Variants in TCEA2 observed in about 807,000 individuals in gnomAD.
TCEA2 encodes the protein transcription elongation factor A protein 2.
In TCEA2, 21 loss-of-function variants were observed where a neutral mutation model predicts 40.8. The observed-to-expected ratio is 0.51, with a 90% confidence interval of 0.36 to 0.74. The LOEUF is 0.74. Ranked by LOEUF, TCEA2 falls within the 30% of genes least tolerant of loss-of-function variation. The pLI is 0.00. For missense variants in TCEA2, 326 were observed against 426.5 expected (o/e 0.76, Z 2.08); for synonymous variants, 165 against 162.7 (o/e 1.01, Z -0.11).
At chr20:64,072,011 G>A in intron 9 of TCEA2, 70 bp downstream of exon 9, 24 of 1,606,646 alleles carry the variant, frequency 1.5e-5, no homozygotes, top group Non-Finnish European at 2.0e-5. Flanking sequence ...AGCCTCTGTG[G>A]GGTCTGTGGT....
exon 1 of TCEA2, chr20:64,057,334 G>C (rs546707790): frequency 6.6e-6 from 1 of 152,298 alleles, no homozygotes; most frequent in Admixed American, 6.5e-5. Context: ...GCCCTAACGC[G>C]GCTGAGGGAT....
intron 9 of TCEA2, 39 bp downstream of exon 9, chr20:64,071,980 T>C (rs2059850237): frequency 5.0e-6 from 8 of 1,612,760 alleles, no homozygotes; most frequent in Non-Finnish European, 5.9e-6. Flanking sequence ...CCAGCTCCAT[T>C]CTCTGGAGGT....
At chr20:64,063,180 AC>A, upstream of TCEA2, 1 of 779,366 alleles carries the variant, frequency 1.3e-6, no homozygotes, top group Non-Finnish European at 1.7e-6. Flanking sequence ...GAGGGTTTGA[AC>A]CGGGGGTCTG....
intron 1 of TCEA2, 89 bp from the exon 2 acceptor site, chr20:64,066,387 G>GC (rs2059694403): frequency 1.0e-5 from 15 of 1,495,352 alleles, no homozygotes; most frequent in Non-Finnish European, 1.4e-5. Flanking sequence ...AATTGTCACT[G>GC]CCTTGTGTTC....
At chr20:64,066,266 T>C (rs1344898568) in intron 1 of TCEA2, 3 of 549,998 alleles carry the variant, frequency 5.5e-6, no homozygotes, top group Non-Finnish European at 9.8e-6. Flanking sequence ...CTCCCCTTCT[T>C]GACTGAGCAG....
intron 6 of TCEA2, 68 bp downstream of exon 6, chr20:64,069,889 C>T: frequency 6.4e-7 from 1 of 1,573,640 alleles, no homozygotes; most frequent in Non-Finnish European, 8.7e-7. Context: ...GGCCTGGTGC[C>T]CTCTGGTGGC....
intron 8 of TCEA2, among the ~76,000 whole-genome samples, chr20:64,070,860 C>T (rs913374983): frequency 1.1e-4 from 16 of 152,338 alleles, no homozygotes; most frequent in East Asian, 7.7e-4. Context: ...CCACTTGTTG[C>T]GGATACTCAA....
chr20:64,063,298 G>A lies in TCEA2; in HGVS notation c.-15G>A, dbSNP rs1427654318. On this transcript the variant is annotated 5_prime_UTR_variant, in exon 1 of 10. Transcript: ENST00000343484. ...GGCGGGCGCGACGGGCGCGGGGGTC[G>A]CTGCTCCTGAGGCGATGATGGGCAA... is the stretch of plus-strand genomic sequence containing the variant. The A allele has an allele frequency of 3.9e-6, 6 of 1,520,558 alleles. No individual in the cohort carries two copies. The highest frequency in any genetic ancestry group is 2.0e-5 in the Admixed American group (1 of 48,852). 94.2% of individuals were successfully genotyped at this position (1,520,558 alleles called of 1,614,324 possible).
Position 64,072,311 on chromosome 20 carries a change from C to T in TCEA2, c.*131C>T, listed in dbSNP as rs1291741300. The T allele has an allele frequency of 5.2e-6, 5 of 959,404 alleles. No homozygotes were observed. The highest frequency in any genetic ancestry group is 1.5e-5 in the South Asian group (1 of 64,696). 59.4% of individuals were successfully genotyped at this position (959,404 alleles called of 1,614,324 possible). A position where few individuals can be genotyped will look rare whatever the true frequency, so the allele number is the denominator to read the frequency against. ...TGCCTGCCTGGATTGCACCTTTCTG[C>T]CCTTTCCCCCTCATTATTAAATGTT... is the stretch of plus-strand genomic sequence containing the variant. On this transcript the variant is annotated 3_prime_UTR_variant, in exon 10 of 10. Transcript: ENST00000343484.
intron 9 of TCEA2, 103 bp from the exon 10 acceptor site, chr20:64,072,069 C>A: frequency 6.3e-7 from 1 of 1,595,640 alleles, no homozygotes; most frequent in Non-Finnish European, 8.6e-7. Context: ...GAGTCTTGGG[C>A]ATGGTGGGTG....
intron 1 of TCEA2, chr20:64,064,374 G>C (rs2059638306): frequency 6.6e-6 from 1 of 152,310 alleles, no homozygotes; most frequent in Non-Finnish European, 1.5e-5. Flanking sequence ...TCCAGTTCCA[G>C]CGTCATGACC....
At chr20:64,068,206 AGTCTCCATGT>A in intron 4 of TCEA2, 72 bp downstream of exon 4, 1 of 1,338,028 alleles carries the variant, frequency 7.5e-7, no homozygotes, top group East Asian at 2.4e-5. Context: ...AAAGGGTGCC[AGTCTCCATGT>A]GCCTAGGCAC....
chr20:64,068,926 C>G (rs955217341), intron 4 of TCEA2, among the ~76,000 whole-genome samples: 1 of 152,260 alleles, frequency 6.6e-6, no homozygotes, highest in Non-Finnish European at 1.5e-5. Context: ...CTTGTCTCCC[C>G]CCAGACAGCT....
chr20:64,066,331 A>T (rs1276634581), intron 1 of TCEA2, 145 bp from the exon 2 acceptor site: 1 of 908,458 alleles, frequency 1.1e-6, no homozygotes, highest in Non-Finnish European at 1.7e-6. Flanking sequence ...GGGTGTCTCC[A>T]GGTAGAGGAA....
Position 64,070,379 on chromosome 20 carries a change from A to G in TCEA2, c.637A>G (p.Ile213Val), listed in dbSNP as rs144212302. The change falls in exon 7 of 10, where the codon ATA becomes GTA. Residue 213 changes from isoleucine (I) to valine (V), a missense_variant. Transcript: ENST00000343484. ...GCGGCGGAATGTGCTGTGTGGGGCCATAACACCCCAGCAGATCGCTGTGAT... is the reference window on the plus strand; with the variant it reads ...GCGGCGGAATGTGCTGTGTGGGGCCGTAACACCCCAGCAGATCGCTGTGAT... Reference protein sequence around the residue: ...DLRRNVLCGAITPQQIAVMTS... With the variant: ...DLRRNVLCGAVTPQQIAVMTS... 4 of 1,614,076 alleles carry G rather than the reference A, an allele frequency of 2.5e-6. No individual in the cohort carries two copies. The highest frequency in any genetic ancestry group is 3.4e-6 in the Non-Finnish European group (4 of 1,180,036).
intron 3 of TCEA2, among the ~76,000 whole-genome samples, 162 bp downstream of exon 3, chr20:64,067,182 G>T (rs985115703): frequency 3.9e-5 from 6 of 152,238 alleles, no homozygotes; most frequent in Non-Finnish European, 8.8e-5. Context: ...CCAGCTTGGG[G>T]CTGGCAGTGG....
At chr20:64,061,281 GTTGT>G (rs1463860398), upstream of TCEA2, among the ~76,000 whole-genome samples, 1 of 127,768 alleles carries the variant, frequency 7.8e-6, no homozygotes, top group African/African-American at 3.0e-5. Flanking sequence ...TTTTTTTGTT[GTTGT>G]TTGTTTTTGA....
At chr20:64,070,459 G>A (rs763843007) in intron 7 of TCEA2, 30 bp from the exon 8 acceptor site, 4 of 1,613,564 alleles carry the variant, frequency 2.5e-6, no homozygotes, top group Admixed American at 1.7e-5. Context: ...CCTCGGAGCG[G>A]TGGGCTAAGC....
In TCEA2 at chr20:64,066,286, C is replaced by T. The variant is rs1275388926; in HGVS notation, c.73-190C>T. ...CTTCTTGACTGAGCAGTAAGGGTTC[C>T]CTGCTGTGGTGCAGGAACATGTGGG... On this transcript the variant is annotated intron_variant, in intron 1 of 9. Transcript: ENST00000343484. 4 of 605,592 alleles carry T rather than the reference C, an allele frequency of 6.6e-6. No homozygotes were observed. In the East Asian group the frequency reaches 8.5e-5, roughly 13 times the overall value. 37.5% of individuals were successfully genotyped at this position (605,592 alleles called of 1,614,324 possible).
Sources: gnomAD v4.1 joint callset for allele counts (sites outside exome capture counted in the v4.1 genomes callset) on GRCh38, gnomAD v4.1.1 for gene constraint, MANE v1.5 for transcripts, NCBI Gene and HGNC (gene_info 2026-07-23, HGNC 2026-07-21) for gene names.